TECR: variants seen among roughly 807,000 people sequenced by gnomAD.
TECR encodes the protein very-long-chain enoyl-CoA reductase.
A neutral mutation model predicts 50.6 loss-of-function variants in TECR; 19 were observed. The observed-to-expected ratio is 0.38, with a 90% CI of 0.26 to 0.55. The LOEUF is 0.55. Among genes scored for constraint, TECR ranks in the 20% least tolerant of loss-of-function variants. TECR has a pLI of 0.79. For synonymous variants in TECR, 168 were observed against 163.5 expected (o/e 1.03, Z -0.21); for missense variants, 313 against 408.3 (o/e 0.77, Z 2.01).
chr19:14,558,525 T>C (rs1464716500), intron 1 of TECR, among the ~76,000 whole-genome samples: 1 of 152,080 alleles, frequency 6.6e-6, no homozygotes, highest in East Asian at 1.9e-4. Context: ...GGCCTCCTGG[T>C]GAGAATTCCT....
chr19:14,534,840 C>T (rs541450951), intron 1 of TECR, among the ~76,000 whole-genome samples: 41 of 152,310 alleles, frequency 2.7e-4, no homozygotes, highest in Admixed American at 1.2e-3. Context: ...GTCAAGGTCA[C>T]AGAGCCTGGA....
At chr19:14,555,014 T>C (rs909344998) in intron 1 of TECR, among the ~76,000 whole-genome samples, 4 of 151,794 alleles carry the variant, frequency 2.6e-5, no homozygotes, top group Admixed American at 6.6e-5. Context: ...CTTGACCTTG[T>C]GATCTGCCCA....
At chr19:14,542,347 G>GGGTTTTTT (rs2073124658) in intron 1 of TECR, among the ~76,000 whole-genome samples, 10 of 43,282 alleles carry the variant, frequency 2.3e-4, no homozygotes, top group African/African-American at 8.1e-4. Flanking sequence ...ATGCCATAGT[G>GGGTTTTTT]TTTTTTTTTT....
At chr19:14,535,756 C>CAAAAAAAAAAA in intron 1 of TECR, among the ~76,000 whole-genome samples, 1 of 51,944 alleles carries the variant, frequency 1.9e-5, no homozygotes, top group Non-Finnish European at 3.3e-5. Flanking sequence ...GACTCTGTCT[C>CAAAAAAAAAAA]AAAAAAAAAA....
At chr19:14,541,714 C>T (rs1194682800) in intron 1 of TECR, among the ~76,000 whole-genome samples, 2 of 151,900 alleles carry the variant, frequency 1.3e-5, no homozygotes, top group African/African-American at 2.4e-5. Context: ...GCATATGTCC[C>T]ACGTTGAGGG....
intron 1 of TECR, among the ~76,000 whole-genome samples, chr19:14,549,711 T>G (rs1450483097): frequency 2.6e-5 from 4 of 151,872 alleles, no homozygotes; most frequent in African/African-American, 4.8e-5. Flanking sequence ...TAGGGAGGCT[T>G]AGGCGGGCAG....
upstream of TECR, chr19:14,529,401 T>A: frequency 3.5e-6 from 2 of 573,044 alleles, no homozygotes; most frequent in Non-Finnish European, 6.3e-6. Context: ...TCAAGCCCCT[T>A]CTCTTTAGCC....
In TECR at chr19:14,563,769, A is replaced by G. The variant is rs1292928684; in HGVS notation, c.164-31A>G. ...GGTGGCAGTGGGAGAAGGCCCGGGT[A>G]GCCCCTGAGCCCTGGCCCGCCTCTC... On this transcript the variant is annotated intron_variant, in intron 4 of 12. Coordinates refer to ENST00000215567, the MANE Select transcript of TECR (RefSeq NM_138501.6). This position sits in a 1 kb window ranked among gnomAD's most constrained non-coding sequence, Gnocchi z 5.3. The G allele has an allele frequency of 6.2e-7, 1 of 1,612,166 alleles. No homozygotes were observed. The highest frequency in any genetic ancestry group is 8.5e-7 in the Non-Finnish European group (1 of 1,179,582).
chr19:14,532,832 G>A (rs1209143832), intron 1 of TECR, among the ~76,000 whole-genome samples: 2 of 151,928 alleles, frequency 1.3e-5, no homozygotes, highest in African/African-American at 2.4e-5. Flanking sequence ...ATTTCTGGCC[G>A]GGCGAGGTGG....
chr19:14,536,140 A>C (rs767478388), intron 1 of TECR, among the ~76,000 whole-genome samples: 16 of 152,096 alleles, frequency 1.1e-4, no homozygotes, highest in Non-Finnish European at 2.1e-4. Flanking sequence ...GTTGGGCAGT[A>C]TTGATTGATA....
At chr19:14,543,410 TATATATATA>T (rs1311304516) in intron 1 of TECR, among the ~76,000 whole-genome samples, 61 of 10,268 alleles carry the variant, frequency 5.9e-3, no homozygotes, top group African/African-American at 0.012. Flanking sequence ...TATATATATA[TATATATATA>T]TTTTTTTTTT....
intron 1 of TECR, among the ~76,000 whole-genome samples, chr19:14,539,640 T>G (rs1014622942): frequency 1.3e-5 from 2 of 152,096 alleles, no homozygotes; most frequent in African/African-American, 2.4e-5. Context: ...TATGCTACTG[T>G]CTTTCACAGA....
At position 14,564,231 on chromosome 19, in the gene TECR, A is replaced by ACG; in HGVS notation, c.435_436dup (p.Leu146ArgfsTer50). 1 of 1,607,916 alleles carries ACG rather than the reference A, an allele frequency of 6.2e-7. No homozygotes were observed. Among genetic ancestry groups the ACG allele is most frequent in the Non-Finnish European group, 8.5e-7 (1 of 1,179,772 alleles). ...CCACTACATCAAGCGCCTGCTGGAG[A>ACG]CGCTCTTCGTGCACCGCTTCTCCCA... On this transcript the variant is annotated frameshift_variant, in exon 7 of 13. Coordinates refer to ENST00000215567, the MANE Select transcript of TECR (RefSeq NM_138501.6). LOFTEE classifies it high-confidence loss of function.
In TECR at chr19:14,529,667, G is replaced by T. The variant is rs374421287; in HGVS notation, c.-30G>T. On this transcript the variant is annotated 5_prime_UTR_variant, in exon 1 of 13. Transcript: ENST00000215567. Reference sequence around the variant, plus strand: ...GCCGCGCAGTTAGGCAGCAGCAGCCGCGGAGCAGTAGCCGCCGTGGGAGGG... The same window carrying T: ...GCCGCGCAGTTAGGCAGCAGCAGCCTCGGAGCAGTAGCCGCCGTGGGAGGG... 1 of 1,613,686 alleles carries T rather than the reference G, an allele frequency of 6.2e-7. No individual in the cohort carries two copies. The highest frequency in any genetic ancestry group is 1.3e-5 in the African/African-American group (1 of 74,956).
At chr19:14,528,551 T>C (rs2072490729), upstream of TECR, among the ~76,000 whole-genome samples, 1 of 151,516 alleles carries the variant, frequency 6.6e-6, no homozygotes, top group South Asian at 2.1e-4. Flanking sequence ...ACCAGCCCCA[T>C]TTCAAGGGCT....
intron 1 of TECR, among the ~76,000 whole-genome samples, chr19:14,551,453 C>T (rs1042110199): frequency 6.6e-6 from 1 of 152,100 alleles, no homozygotes; most frequent in African/African-American, 2.4e-5. Context: ...TAAGCAGTCC[C>T]TGTGTTAGAT....
At chr19:14,542,139 G>T (rs2073115615) in intron 1 of TECR, among the ~76,000 whole-genome samples, 1 of 151,788 alleles carries the variant, frequency 6.6e-6, no homozygotes, top group Non-Finnish European at 1.5e-5. Flanking sequence ...ATGAATTATT[G>T]TTTTTAGTAG....
At chr19:14,535,582 A>G (rs1367189364) in intron 1 of TECR, among the ~76,000 whole-genome samples, 10 of 38,810 alleles carry the variant, frequency 2.6e-4, no homozygotes, top group African/African-American at 7.9e-4. Flanking sequence ...ATATATATAT[A>G]TATATATGTA....
chr19:14,541,645 A>G (rs2073100451), intron 1 of TECR, among the ~76,000 whole-genome samples: 1 of 152,166 alleles, frequency 6.6e-6, no homozygotes, highest in Non-Finnish European at 1.5e-5. Context: ...AGGGAGGAGA[A>G]TGGTGTTCTA....
Sources: gnomAD v4.1 joint callset for allele counts (sites outside exome capture counted in the v4.1 genomes callset) on GRCh38, gnomAD v4.1.1 for gene constraint, Gnocchi (gnomAD v3.1) non-coding constraint, MANE v1.5 for transcripts, NCBI Gene and HGNC (gene_info 2026-07-23, HGNC 2026-07-21) for gene names.